The following CNTNAP2 variants were observed in gnomAD, a reference collection of about 807,000 sequenced individuals.
CNTNAP2 encodes contactin associated protein 2.
In CNTNAP2, 98 loss-of-function variants were observed where a neutral mutation model predicts 155.2. The observed-to-expected ratio is 0.63, with a 90% CI of 0.54 to 0.75. CNTNAP2 has a LOEUF of 0.75. CNTNAP2 is among the 30% of genes least tolerant of loss of function. The pLI is 0.00. For synonymous variants in CNTNAP2, 651 were observed against 631.2 expected, an observed-to-expected ratio of 1.03 and a Z score of -0.47; for missense variants, 1,727 against 1,688.1, an observed-to-expected ratio of 1.02 and a Z score of -0.40.
intron 1 of CNTNAP2, among the ~76,000 whole-genome samples, chr7:146,519,220 C>T (rs910031271): frequency 1.3e-5 from 2 of 151,592 alleles, no homozygotes; most frequent in South Asian, 2.1e-4. Flanking sequence ...CTAGATCTAT[C>T]GAGAAGTGTT....
In CNTNAP2 at chr7:148,269,964, A is replaced by G. The variant is rs1425872730; in HGVS notation, c.3475+2838A>G. ...TACACTATGATATTCGTAAAGTAAC[A>G]TCAACTATAAACATACCCGAAAATA... On this transcript the variant is annotated intron_variant, in intron 21 of 23. Transcript: ENST00000361727. Among the ~76,000 whole-genome samples the G allele has an allele frequency of 2.0e-5, 3 of 152,370 alleles. No individual in the cohort carries two copies. The East Asian group carries it at 5.8e-4, about 29-fold the overall frequency.
chr7:147,637,469 AG>A (rs1349396101), intron 12 of CNTNAP2, among the ~76,000 whole-genome samples: 12 of 152,194 alleles, frequency 7.9e-5, no homozygotes, highest in African/African-American at 2.9e-4. Context: ...TACCAAAATA[AG>A]ACCAAATGAG....
At chr7:146,634,634 G>A (rs545232866) in intron 1 of CNTNAP2, among the ~76,000 whole-genome samples, 9 of 152,292 alleles carry the variant, frequency 5.9e-5, no homozygotes, top group African/African-American at 2.2e-4. Flanking sequence ...TCACATGCCA[G>A]TCATTAGACA....
chr7:146,864,003 T>C (rs1332139471), intron 3 of CNTNAP2, among the ~76,000 whole-genome samples: 2 of 152,124 alleles, frequency 1.3e-5, no homozygotes, highest in Non-Finnish European at 2.9e-5. Context: ...TTCAGTTTTA[T>C]TTTTAGAATT....
In CNTNAP2 at chr7:147,859,133, A is replaced by G. The variant is rs150720413; in HGVS notation, c.2099-44432A>G. Reference sequence around the variant, plus strand: ...TAAATGCCCTAAGATGATTTTTTCAAGCATATGTTACCAAGAAGTAGGGAA... The same window carrying G: ...TAAATGCCCTAAGATGATTTTTTCAGGCATATGTTACCAAGAAGTAGGGAA... On this transcript the variant is annotated intron_variant, in intron 13 of 23. Coordinates refer to ENST00000361727, the MANE Select transcript of CNTNAP2 (RefSeq NM_014141.6). Among the ~76,000 whole-genome samples the G allele has an allele frequency of 6.6e-5, 10 of 152,268 alleles. No individual in the cohort carries two copies. The East Asian group carries it at 1.9e-3, about 29-fold the overall frequency.
intron 2 of CNTNAP2, among the ~76,000 whole-genome samples, chr7:146,800,725 T>C (rs952088546): frequency 9.2e-5 from 14 of 152,182 alleles, no homozygotes; most frequent in African/African-American, 3.1e-4. Context: ...AATTCTCACA[T>C]AGAGTTTAAA....
Position 147,657,978 on chromosome 7 carries a change from C to T in CNTNAP2, c.2098+18672C>T, listed in dbSNP as rs931431802. Reference sequence around the variant, plus strand: ...TGTCTCTTAAGATAGCCGACCTGGCCGGGCGCGGTGGCTCACGCCTGTAAT... The same window carrying T: ...TGTCTCTTAAGATAGCCGACCTGGCTGGGCGCGGTGGCTCACGCCTGTAAT... On this transcript the variant is annotated intron_variant, in intron 13 of 23. Coordinates refer to ENST00000361727, the MANE Select transcript of CNTNAP2 (RefSeq NM_014141.6). Among the ~76,000 whole-genome samples the T allele has an allele frequency of 1.3e-5, 2 of 148,624 alleles. 1 individual carries two copies. The highest frequency in any genetic ancestry group is 3.0e-5 in the Non-Finnish European group (2 of 66,542).
At chr7:146,783,735 G>C (rs891149636) in intron 2 of CNTNAP2, among the ~76,000 whole-genome samples, 1 of 152,216 alleles carries the variant, frequency 6.6e-6, no homozygotes. Context: ...GCGTCCCAAA[G>C]TGCATGATGT....
chr7:146,331,683 T>G (rs944424767), intron 1 of CNTNAP2, among the ~76,000 whole-genome samples: 5 of 152,166 alleles, frequency 3.3e-5, no homozygotes, highest in Non-Finnish European at 5.9e-5. Flanking sequence ...TCTGCCGACC[T>G]CACCTCTGAC....
chr7:146,859,154 T>C (rs2129204784), intron 3 of CNTNAP2, among the ~76,000 whole-genome samples: 1 of 152,282 alleles, frequency 6.6e-6, no homozygotes, highest in South Asian at 2.1e-4. Context: ...TCAGCAGAGA[T>C]TAGAAAATGT....
chr7:147,295,215 T>G lies in CNTNAP2; in HGVS notation c.1349-4926T>G, dbSNP rs1419807795. The stretch of plus-strand genomic sequence containing the variant: ...AAACTGAGCACTTCTCCAGATGTGG[T>G]AGCAAATGGAAGTGTGTGTGCGCAT... On this transcript the variant is annotated intron_variant, in intron 8 of 23. Coordinates refer to ENST00000361727, the MANE Select transcript of CNTNAP2 (RefSeq NM_014141.6). Among the ~76,000 whole-genome samples, 2 of 151,896 alleles carry G rather than the reference T, an allele frequency of 1.3e-5. 1 individual carries two copies. The highest frequency in any genetic ancestry group is 3.9e-4 in the East Asian group (2 of 5,180).
At chr7:146,665,082 G>A (rs1800167010) in intron 1 of CNTNAP2, among the ~76,000 whole-genome samples, 1 of 152,082 alleles carries the variant, frequency 6.6e-6, no homozygotes, top group Non-Finnish European at 1.5e-5. Flanking sequence ...CCGAGTAGCT[G>A]GGATTACAGG....
chr7:146,400,139 C>T (rs143818587), intron 1 of CNTNAP2, among the ~76,000 whole-genome samples: 20 of 152,106 alleles, frequency 1.3e-4, no homozygotes, highest in Non-Finnish European at 1.9e-4. Flanking sequence ...CCTACCATAG[C>T]GAACCAACAA....
intron 15 of CNTNAP2, among the ~76,000 whole-genome samples, chr7:148,055,335 T>C (rs1802986826): frequency 6.6e-6 from 1 of 152,222 alleles, no homozygotes; most frequent in Admixed American, 6.5e-5. Context: ...TTGGACTCAG[T>C]AAAAATCTCA....
chr7:147,965,903 G>A (rs1004124183), intron 14 of CNTNAP2, among the ~76,000 whole-genome samples: 6 of 152,008 alleles, frequency 3.9e-5, no homozygotes, highest in Non-Finnish European at 7.4e-5. Flanking sequence ...AAACGTCTAC[G>A]TCCCACAGCA....
At chr7:147,449,050 A>C (rs1797788382) in intron 10 of CNTNAP2, among the ~76,000 whole-genome samples, 1 of 152,206 alleles carries the variant, frequency 6.6e-6, no homozygotes, top group Non-Finnish European at 1.5e-5. Flanking sequence ...CTTTAACCAA[A>C]GGCACTTTTC....
chr7:146,949,004 A>G (rs1797251039), intron 3 of CNTNAP2, among the ~76,000 whole-genome samples: 1 of 152,174 alleles, frequency 6.6e-6, no homozygotes, highest in South Asian at 2.1e-4. Context: ...AGTCATGCTT[A>G]ACTATATTAC....
Position 148,420,666 on chromosome 7 carries a change from C to A in CNTNAP2, c.*5050C>A, listed in dbSNP as rs1374206892. On this transcript the variant is annotated 3_prime_UTR_variant, in exon 24 of 24. Coordinates refer to ENST00000361727, the MANE Select transcript of CNTNAP2 (RefSeq NM_014141.6). ...AGATGGCTGTGAAAATATGGAAGTT[C>A]CTCTCAAGTAGGCCAAGAAACAGTT... 1 of 152,490 alleles carries A rather than the reference C, an allele frequency of 6.6e-6. No homozygotes were observed. The highest frequency in any genetic ancestry group is 1.5e-5 in the Non-Finnish European group (1 of 68,034). The allele number at this position is 152,490 out of a possible 1,614,324, so 9.4% of individuals were successfully genotyped here. A position where few individuals can be genotyped will look rare whatever the true frequency, so the allele number is the denominator to read the frequency against.
chr7:146,290,624 C>T (rs769353658), intron 1 of CNTNAP2, among the ~76,000 whole-genome samples: 24 of 152,264 alleles, frequency 1.6e-4, no homozygotes, highest in Admixed American at 3.3e-4. Flanking sequence ...ATATTTGTAT[C>T]GCCATCTTTG....
Sources: gnomAD v4.1 joint callset for allele counts (sites outside exome capture counted in the v4.1 genomes callset) on GRCh38, gnomAD v4.1.1 for gene constraint, MANE v1.5 for transcripts, NCBI Gene and HGNC (gene_info 2026-07-23, HGNC 2026-07-21) for gene names.